The following ASPRV1 variants were observed in gnomAD, a reference collection of about 807,000 sequenced individuals.
ASPRV1 encodes the protein aspartic peptidase retroviral like 1, also known as retroviral-like aspartic protease 1.
A neutral mutation model predicts 11.0 loss-of-function variants in ASPRV1; 7 were observed. That is an observed-to-expected ratio of 0.64 (90% CI 0.36 to 1.20). ASPRV1 has a LOEUF of 1.20. Among genes scored for constraint, ASPRV1 ranks in the 50% most tolerant of loss-of-function variants. The pLI, the probability that ASPRV1 is intolerant of heterozygous loss-of-function variation, is 0.02. For missense variants in ASPRV1, 299 were observed against 320.0 expected, an observed-to-expected ratio of 0.93 and a Z score of 0.50; for synonymous variants, 136 against 138.4, an observed-to-expected ratio of 0.98 and a Z score of 0.12.
At chr2:69,935,441 A>G in the ASPRV1 span, 20 of 1,613,620 alleles carry the variant, frequency 1.2e-5, no homozygotes, top group South Asian at 2.0e-4. Context: ...TGAGTTTATT[A>G]ACAAAAGCCA....
At chr2:70,061,384 G>A in the ASPRV1 span, among the ~76,000 whole-genome samples, 1 of 141,172 alleles carries the variant, frequency 7.1e-6, no homozygotes, top group Non-Finnish European at 1.5e-5. Context: ...GATAGAGTGA[G>A]ACTCTGTCTC....
Position 69,960,897 on chromosome 2 carries a change from GC to G in ASPRV1, c.539del (p.Gly180AlafsTer3). 6.2e-7 allele frequency: 1 copy of G among 1,614,056 alleles called. No homozygotes were observed. Among genetic ancestry groups the G allele is most frequent in the Non-Finnish European group, 8.5e-7 (1 of 1,180,004 alleles). ...GGAACTGTGCCTTCAGCTTCAGCTTGCCTAGGGACACCGCTGTATCCCAGAC... is the reference window on the plus strand; with the variant it reads ...GGAACTGTGCCTTCAGCTTCAGCTTGCTAGGGACACCGCTGTATCCCAGAC... ...LGVWDTAVSLGKLKLKAQFLV... is the reference protein window; with the variant it reads ...LGVWDTAVSLXKLKLKAQFLV... On this transcript the variant is annotated frameshift_variant, in exon 1 of 1. Coordinates refer to ENST00000320256, the MANE Select transcript of ASPRV1 (RefSeq NM_152792.4). LOFTEE classifies it high-confidence loss of function.
the ASPRV1 span, chr2:69,938,290 T>C: frequency 6.2e-7 from 1 of 1,613,198 alleles, no homozygotes; most frequent in Non-Finnish European, 8.5e-7. Flanking sequence ...TCTAAGAGAG[T>C]GGGCACTGCG....
the ASPRV1 span, among the ~76,000 whole-genome samples, chr2:69,998,642 T>C: frequency 6.7e-6 from 1 of 149,378 alleles, no homozygotes; most frequent in African/African-American, 2.5e-5. Flanking sequence ...GGCAGGAGAA[T>C]GGCGTGAACC....
the ASPRV1 span, among the ~76,000 whole-genome samples, chr2:69,980,772 T>TATTTATTTA: frequency 1.3e-5 from 2 of 152,032 alleles, no homozygotes; most frequent in Admixed American, 6.5e-5. Flanking sequence ...TTATTTTATT[T>TATTTATTTA]TTTATTTACT....
upstream of ASPRV1, chr2:69,963,314 T>C (rs768387142): frequency 7.2e-5 from 33 of 456,114 alleles, no homozygotes; most frequent in Non-Finnish European, 1.3e-4. Context: ...TTGAGAAGAC[T>C]GTATAATGAA....
chr2:70,002,764 G>A, the ASPRV1 span, among the ~76,000 whole-genome samples: 1 of 152,146 alleles, frequency 6.6e-6, no homozygotes, highest in Non-Finnish European at 1.5e-5. Flanking sequence ...GCTGTTGGAG[G>A]CCTCTTCTGA....
the ASPRV1 span, among the ~76,000 whole-genome samples, chr2:70,083,099 T>C: frequency 6.6e-6 from 1 of 152,104 alleles, no homozygotes; most frequent in Non-Finnish European, 1.5e-5. Context: ...AGTTAGGAAC[T>C]TAAGGTAAAT....
the ASPRV1 span, among the ~76,000 whole-genome samples, chr2:70,058,075 G>T: frequency 6.6e-6 from 1 of 152,080 alleles, no homozygotes; most frequent in Non-Finnish European, 1.5e-5. Flanking sequence ...GAGCCAACAC[G>T]CATGGCCAAG....
the ASPRV1 span, among the ~76,000 whole-genome samples, chr2:69,972,721 C>T: frequency 6.6e-5 from 10 of 152,226 alleles, no homozygotes; most frequent in East Asian, 1.9e-3. Flanking sequence ...CCTCCCTGGT[C>T]CCTTTTCTTG....
chr2:69,971,167 A>C, the ASPRV1 span: 1 of 147,410 alleles, frequency 6.8e-6, no homozygotes, highest in Non-Finnish European at 1.5e-5. Flanking sequence ...ACTCTGCCTC[A>C]AAAAAAAAAA....
At chr2:70,034,297 T>C in the ASPRV1 span, among the ~76,000 whole-genome samples, 1 of 149,898 alleles carries the variant, frequency 6.7e-6, no homozygotes, top group South Asian at 2.1e-4. Flanking sequence ...CTCAGCTCAC[T>C]GCAAACCCTG....
At chr2:70,078,111 C>A in the ASPRV1 span, among the ~76,000 whole-genome samples, 1 of 151,654 alleles carries the variant, frequency 6.6e-6, no homozygotes, top group East Asian at 1.9e-4. Context: ...GAGCCGAGAT[C>A]GCGCCACTGC....
At chr2:69,936,376 C>A in the ASPRV1 span, among the ~76,000 whole-genome samples, 1 of 152,096 alleles carries the variant, frequency 6.6e-6, no homozygotes, top group African/African-American at 2.4e-5. Flanking sequence ...ACAGCCCCAG[C>A]ACCTCCTAGG....
chr2:70,041,238 A>G, the ASPRV1 span, among the ~76,000 whole-genome samples: 1 of 152,232 alleles, frequency 6.6e-6, no homozygotes, highest in Non-Finnish European at 1.5e-5. Context: ...GGGTCTCAAG[A>G]GGACCTAGTA....
the ASPRV1 span, among the ~76,000 whole-genome samples, chr2:70,063,147 G>C: frequency 1.3e-5 from 2 of 152,128 alleles, no homozygotes; most frequent in Non-Finnish European, 2.9e-5. Flanking sequence ...GCCTGCAAAA[G>C]AGCTCTGAGC....
chr2:69,996,602 A>C, the ASPRV1 span: 1 of 418,790 alleles, frequency 2.4e-6, no homozygotes, highest in Admixed American at 2.9e-5. Flanking sequence ...TCAGGAATGC[A>C]ACGTCTTTCA....
At chr2:69,949,007 C>A in the ASPRV1 span, among the ~76,000 whole-genome samples, 2 of 152,170 alleles carry the variant, frequency 1.3e-5, no homozygotes, top group African/African-American at 4.8e-5. Flanking sequence ...TGCAAACGTC[C>A]CCGTGTCCTT....
chr2:69,951,446 A>T, the ASPRV1 span, among the ~76,000 whole-genome samples: 187 of 107,194 alleles, frequency 1.7e-3, no homozygotes, highest in African/African-American at 5.2e-3. Context: ...AAAAAAAGTG[A>T]GTGTGTGTGT....
Sources: gnomAD v4.1 joint callset for allele counts (sites outside exome capture counted in the v4.1 genomes callset) on GRCh38, gnomAD v4.1.1 for gene constraint, MANE v1.5 for transcripts, NCBI Gene and HGNC (gene_info 2026-07-23, HGNC 2026-07-21) for gene names.